The following BAZ2B variants were observed in gnomAD, a reference collection of about 807,000 sequenced individuals.
BAZ2B encodes the protein bromodomain adjacent to zinc finger domain 2B, also known as bromodomain adjacent to zinc finger domain protein 2B.
In BAZ2B, 91 loss-of-function variants were observed where a neutral mutation model predicts 246.0. The observed-to-expected ratio is 0.37, with a 90% confidence interval of 0.31 to 0.44. The LOEUF (loss-of-function observed/expected upper bound fraction) is 0.44. Ranked by LOEUF, BAZ2B falls within the 20% of genes least tolerant of loss-of-function variation. BAZ2B has a pLI of 1.00. For synonymous variants in BAZ2B, 855 were observed against 860.0 expected, an observed-to-expected ratio of 0.99 and a Z score of 0.10; for missense variants, 2,332 against 2,533.7, an observed-to-expected ratio of 0.92 and a Z score of 1.71.
At chr2:159,483,380 G>C (rs1036626627) in intron 2 of BAZ2B, among the ~76,000 whole-genome samples, 1 of 151,980 alleles carries the variant, frequency 6.6e-6, no homozygotes, top group Admixed American at 6.6e-5. Context: ...TCTATTTTTT[G>C]TTAGAGACAG....
chr2:159,453,733 C>T lies in BAZ2B; in HGVS notation c.214G>A (p.Val72Ile), dbSNP rs1297646585. ...TGTAGACCAAAGACTGGGTGGCTGA[C>T]CATTGGGAAGGCACTCGACACTGTG... is the stretch of plus-strand genomic sequence containing the variant. ...LSTVSSAFPM[V>I]SHPVFGLHSA... Residue 72 changes from valine (V) to isoleucine (I), a missense_variant, in exon 4 of 37, where the codon GTC (valine) becomes ATC (isoleucine). Physicochemically the swap from Val to Ile is conservative, Grantham distance 29 (BLOSUM62 3). Coordinates refer to ENST00000392783, the MANE Select transcript of BAZ2B (RefSeq NM_013450.4). The T allele has an allele frequency of 6.2e-7, 1 of 1,613,652 alleles. No individual in the cohort carries two copies. The highest frequency in any genetic ancestry group is 8.5e-7 in the Non-Finnish European group (1 of 1,179,830).
intron 18 of BAZ2B, 62 bp downstream of exon 18, chr2:159,398,766 GC>G: frequency 7.0e-7 from 1 of 1,418,814 alleles, no homozygotes; most frequent in Non-Finnish European, 9.7e-7. Flanking sequence ...TATAACTGAT[GC>G]CAGTATAACA....
intron 2 of BAZ2B, among the ~76,000 whole-genome samples, chr2:159,498,260 T>C (rs1424636750): frequency 1.3e-5 from 2 of 152,136 alleles, no homozygotes; most frequent in African/African-American, 2.4e-5. Context: ...AAACTTATGA[T>C]ATAAGGGTAA....
At chr2:159,636,527 G>A in the BAZ2B span, among the ~76,000 whole-genome samples, 5 of 152,190 alleles carry the variant, frequency 3.3e-5, no homozygotes, top group East Asian at 5.8e-4. Context: ...CACTCATCGC[G>A]GTGGTCAGCA....
At chr2:159,614,725 T>G (rs1695503636) in intron 1 of BAZ2B, among the ~76,000 whole-genome samples, 1 of 152,032 alleles carries the variant, frequency 6.6e-6, no homozygotes, top group African/African-American at 2.4e-5. Flanking sequence ...AAACATACAA[T>G]ACGCAGACTT....
chr2:159,333,358 A>T (rs890547893), intron 33 of BAZ2B, among the ~76,000 whole-genome samples: 40 of 152,088 alleles, frequency 2.6e-4, no homozygotes, highest in African/African-American at 9.7e-4. Context: ...GTCATTATTT[A>T]TTTTTTTAGA....
the BAZ2B span, among the ~76,000 whole-genome samples, chr2:159,681,320 T>C: frequency 2.6e-5 from 4 of 151,884 alleles, no homozygotes; most frequent in East Asian, 7.7e-4. Context: ...TTTAAGTGTT[T>C]AAGATGTTCA....
intron 2 of BAZ2B, among the ~76,000 whole-genome samples, chr2:159,553,412 A>AG (rs2088620256): frequency 7.7e-6 from 1 of 129,296 alleles, no homozygotes; most frequent in East Asian, 2.2e-4. Flanking sequence ...AAAAAAAAAA[A>AG]AAAAGAAAAG....
chr2:159,629,640 C>T, the BAZ2B span, among the ~76,000 whole-genome samples: 4 of 151,036 alleles, frequency 2.6e-5, no homozygotes, highest in South Asian at 4.2e-4. Flanking sequence ...CACATGGACA[C>T]AGCGAGGGGA....
the BAZ2B span, among the ~76,000 whole-genome samples, chr2:159,664,937 C>A: frequency 4.0e-5 from 6 of 151,370 alleles, no homozygotes; most frequent in African/African-American, 1.2e-4. Context: ...GTGTTTTGGA[C>A]ATGAAGTCCT....
In BAZ2B at chr2:159,320,185, C is replaced by A. The variant is rs933679913; in HGVS notation, c.*80G>T. ...AAAGTCATTATGTATGTGCCTTGCACGTTTATGTAAATACAGTTCACATTG... is the reference window on the plus strand; with the variant it reads ...AAAGTCATTATGTATGTGCCTTGCAAGTTTATGTAAATACAGTTCACATTG... On this transcript the variant is annotated 3_prime_UTR_variant, in exon 37 of 37. Transcript: ENST00000392783. The A allele has an allele frequency of 8.0e-7, 1 of 1,250,582 alleles. No individual in the cohort carries two copies. The allele number at this position is 1,250,582 out of a possible 1,614,324, so 77.5% of individuals were successfully genotyped here. A position where few individuals can be genotyped will look rare whatever the true frequency, so the allele number is the denominator to read the frequency against.
chr2:159,496,210 C>A (rs913519645), intron 2 of BAZ2B, among the ~76,000 whole-genome samples: 1 of 148,636 alleles, frequency 6.7e-6, no homozygotes, highest in East Asian at 2.1e-4. Context: ...CCCATCTCTA[C>A]TAAAAAATAC....
At chr2:159,688,599 A>G in the BAZ2B span, among the ~76,000 whole-genome samples, 1 of 152,254 alleles carries the variant, frequency 6.6e-6, no homozygotes, top group African/African-American at 2.4e-5. Flanking sequence ...CTTTATAACA[A>G]AAATATGAAA....
intron 3 of BAZ2B, among the ~76,000 whole-genome samples, chr2:159,470,436 A>T (rs961768902): frequency 2.6e-5 from 4 of 152,268 alleles, no homozygotes; most frequent in Non-Finnish European, 5.9e-5. Flanking sequence ...GTATACATTT[A>T]AAATGGTGAA....
intron 6 of BAZ2B, among the ~76,000 whole-genome samples, chr2:159,443,039 G>A (rs2073706172): frequency 6.6e-6 from 1 of 152,126 alleles, no homozygotes; most frequent in African/African-American, 2.4e-5. Flanking sequence ...ATTTTGGGTG[G>A]TATATACCCA....
intron 2 of BAZ2B, among the ~76,000 whole-genome samples, chr2:159,547,536 C>T (rs188244771): frequency 6.6e-6 from 1 of 152,250 alleles, no homozygotes; most frequent in African/African-American, 2.4e-5. Flanking sequence ...TTTATCCACT[C>T]CCTGACTAGC....
intron 2 of BAZ2B, among the ~76,000 whole-genome samples, chr2:159,486,595 T>TTC (rs948619341): frequency 7.0e-6 from 1 of 142,858 alleles, no homozygotes; most frequent in Admixed American, 6.9e-5. Flanking sequence ...TTTCTTCTTC[T>TTC]TTTTTTTTTT....
At chr2:159,356,174 G>T (rs1289703360) in intron 27 of BAZ2B, among the ~76,000 whole-genome samples, 2 of 152,162 alleles carry the variant, frequency 1.3e-5, no homozygotes. Context: ...CTGAAGCCAG[G>T]AAGCCAACTG....
chr2:159,371,725 T>C (rs540191912), intron 27 of BAZ2B, among the ~76,000 whole-genome samples: 2 of 152,284 alleles, frequency 1.3e-5, no homozygotes, highest in Non-Finnish European at 2.9e-5. Context: ...TAGTCTCTGT[T>C]CTCCAAGAGC....
Sources: gnomAD v4.1 joint callset for allele counts (sites outside exome capture counted in the v4.1 genomes callset) on GRCh38, gnomAD v4.1.1 for gene constraint, MANE v1.5 for transcripts, NCBI Gene and HGNC (gene_info 2026-07-23, HGNC 2026-07-21) for gene names.